PROK2: variants seen among roughly 807,000 people sequenced by gnomAD.
PROK2 encodes the protein prokineticin 2.
Under a neutral mutation model 14.2 loss-of-function variants are expected in PROK2, and 8 were observed. The observed-to-expected ratio is 0.56, with a 90% CI of 0.33 to 1.02. The LOEUF (loss-of-function observed/expected upper bound fraction) is 1.02, where lower values mean the gene tolerates loss of function less well. PROK2 is among the 50% of genes least tolerant of loss of function. The pLI, the probability that PROK2 is intolerant of heterozygous loss-of-function variation, is 0.03. For missense variants in PROK2, 154 were observed against 160.4 expected, an observed-to-expected ratio of 0.96 and a Z score of 0.22; for synonymous variants, 59 against 60.7, an observed-to-expected ratio of 0.97 and a Z score of 0.13.
At chr3:71,781,320 GA>G (rs1289863554) in intron 2 of PROK2, 146 bp downstream of exon 2, 1 of 940,414 alleles carries the variant, frequency 1.1e-6, no homozygotes, top group Non-Finnish European at 1.7e-6. Context: ...GGGGAGAGGA[GA>G]GGGGGTAGTT....
At chr3:71,777,799 T>C (rs80324661) in intron 2 of PROK2, among the ~76,000 whole-genome samples, 6,528 of 151,800 alleles carry the variant, frequency 0.043, 476 homozygotes, top group African/African-American at 0.15. Context: ...TAATCTTCTA[T>C]GTAAACTTTG....
At chr3:71,776,557 T>C (rs1431287243) in intron 2 of PROK2, among the ~76,000 whole-genome samples, 3 of 152,036 alleles carry the variant, frequency 2.0e-5, no homozygotes, top group Non-Finnish European at 4.4e-5. Context: ...TTTGTATTTT[T>C]AGTCGAGACA....
At chr3:71,780,090 C>CACACAA (rs1392705913) in intron 2 of PROK2, among the ~76,000 whole-genome samples, 32 of 152,324 alleles carry the variant, frequency 2.1e-4, no homozygotes, top group Non-Finnish European at 4.1e-4. Flanking sequence ...ACACAAGTAA[C>CACACAA]GGTTTAAACC....
At chr3:71,773,084 A>T (rs1490084256) in intron 3 of PROK2, among the ~76,000 whole-genome samples, 2 of 152,154 alleles carry the variant, frequency 1.3e-5, no homozygotes, top group Non-Finnish European at 2.9e-5. Context: ...TGTTCAAGCG[A>T]TTCTTCTGCC....
At chr3:71,777,100 T>C (rs907786688) in intron 2 of PROK2, among the ~76,000 whole-genome samples, 1 of 152,256 alleles carries the variant, frequency 6.6e-6, no homozygotes, top group Non-Finnish European at 1.5e-5. Context: ...CTTGGAATAT[T>C]GTACTATAGT....
intron 2 of PROK2, among the ~76,000 whole-genome samples, chr3:71,780,916 G>C (rs951348148): frequency 1.3e-5 from 2 of 152,178 alleles, no homozygotes; most frequent in South Asian, 4.1e-4. Context: ...TGAGCTGACA[G>C]ATAATAAAGC....
At chr3:71,778,767 A>T (rs1198346928) in intron 2 of PROK2, among the ~76,000 whole-genome samples, 1 of 152,220 alleles carries the variant, frequency 6.6e-6, no homozygotes, top group Admixed American at 6.5e-5. Flanking sequence ...TTTCTACAAT[A>T]GGTAAATTTC....
At chr3:71,778,123 G>C (rs1169072556) in intron 2 of PROK2, among the ~76,000 whole-genome samples, 1 of 150,684 alleles carries the variant, frequency 6.6e-6, no homozygotes, top group African/African-American at 2.4e-5. Context: ...CGTGAACCCG[G>C]GAGGCGGAGC....
chr3:71,785,085 A>C lies in PROK2; in HGVS notation c.-33T>G, dbSNP rs930276878. On this transcript the variant is annotated 5_prime_UTR_variant, in exon 1 of 4. Transcript: ENST00000295619. Reference sequence around the variant, plus strand: ...TCGGGACTGGGCGGCCGCCGGAGGCAGTTGGGGGCGCGGGGCCCGGGTGCG... The same window carrying C: ...TCGGGACTGGGCGGCCGCCGGAGGCCGTTGGGGGCGCGGGGCCCGGGTGCG... 4.9e-5 allele frequency: 60 copies of C among 1,213,528 alleles called. No homozygotes were observed. The highest frequency in any genetic ancestry group is 5.8e-5 in the Non-Finnish European group (56 of 968,910). The allele number at this position is 1,213,528 out of a possible 1,614,324, so 75.2% of individuals were successfully genotyped here.
chr3:71,774,324 T>C (rs2050102134), intron 3 of PROK2, 121 bp downstream of exon 3: 3 of 1,509,300 alleles, frequency 2.0e-6, no homozygotes, highest in African/African-American at 1.4e-5. Flanking sequence ...GGCAGAACCA[T>C]TCTAATCTTA....
In PROK2 at chr3:71,785,089, G is replaced by C; in HGVS notation, c.-37C>G. ...GACTGGGCGGCCGCCGGAGGCAGTT[G>C]GGGGCGCGGGGCCCGGGTGCGCTGG... On this transcript the variant is annotated 5_prime_UTR_variant, in exon 1 of 4. Coordinates refer to ENST00000295619, the MANE Select transcript of PROK2 (RefSeq NM_001126128.2). 8.3e-7 allele frequency: 1 copy of C among 1,198,848 alleles called. No individual in the cohort carries two copies. The highest frequency in any genetic ancestry group is 3.2e-5 in the East Asian group (1 of 30,986). 74.3% of individuals were successfully genotyped at this position (1,198,848 alleles called of 1,614,324 possible).
chr3:71,777,820 G>A (rs1039803282), intron 2 of PROK2, among the ~76,000 whole-genome samples: 2 of 151,038 alleles, frequency 1.3e-5, no homozygotes, highest in African/African-American at 2.4e-5. Flanking sequence ...GAAAGTTACC[G>A]GCATTAATAG....
intron 1 of PROK2, among the ~76,000 whole-genome samples, chr3:71,782,716 C>G (rs1016922084): frequency 3.3e-5 from 5 of 152,118 alleles, no homozygotes; most frequent in East Asian, 3.8e-4. Context: ...CTTCAAAATT[C>G]TTAGTTTTGA....
chr3:71,776,265 A>G (rs1415341572), intron 2 of PROK2, among the ~76,000 whole-genome samples: 1 of 151,908 alleles, frequency 6.6e-6, no homozygotes, highest in Non-Finnish European at 1.5e-5. Flanking sequence ...TTCTCATTCA[A>G]ACCCAGTTCA....
rs369845681 is a variant in PROK2 at position 71,781,573 on chromosome 3, T to C, written c.116A>G (p.Gln39Arg). 3.2e-5 allele frequency: 52 copies of C among 1,611,750 alleles called. No homozygotes were observed. The highest frequency in any genetic ancestry group is 6.7e-5 in the Admixed American group (4 of 59,986). Reference sequence around the variant, plus strand: ...AGCACAGCACATGCCTCCACCACATTGGGAGTCCTTGTCACAAGCCTGAAA... The same window carrying C: ...AGCACAGCACATGCCTCCACCACATCGGGAGTCCTTGTCACAAGCCTGAAA... ...VITGACDKDS[Q>R]CGGGMCCAVS... Residue 39 changes from glutamine (Q) to arginine (R), a missense_variant, in exon 2 of 4, where the codon CAA (glutamine) becomes CGA (arginine). Physicochemically the swap from Gln to Arg is conservative, Grantham distance 43. Transcript: ENST00000295619.
chr3:71,784,241 A>G (rs2050192775), intron 1 of PROK2, among the ~76,000 whole-genome samples: 1 of 152,256 alleles, frequency 6.6e-6, no homozygotes, highest in Non-Finnish European at 1.5e-5. Flanking sequence ...TCCTACTTAC[A>G]GAAAAGATGA....
At chr3:71,782,919 A>G (rs1578413538) in intron 1 of PROK2, among the ~76,000 whole-genome samples, 1 of 152,222 alleles carries the variant, frequency 6.6e-6, no homozygotes, top group Admixed American at 6.5e-5. Context: ...TTTATAGGAC[A>G]ATATGTAAAT....
In PROK2 at chr3:71,784,991, G is replaced by GT; in HGVS notation, c.61dup (p.Thr21AsnfsTer15). ...CACGGCGGCGTCCCCAGCGCGGGGC[G>GT]TGAGCAGCAGCGGCGGCAGCAGCAA... On this transcript the variant is annotated frameshift_variant, in exon 1 of 4. Transcript: ENST00000295619. LOFTEE classifies it high-confidence loss of function. 1 of 1,249,236 alleles carries GT rather than the reference G, an allele frequency of 8.0e-7. No individual in the cohort carries two copies. The allele number at this position is 1,249,236 out of a possible 1,614,324, so 77.4% of individuals were successfully genotyped here. A position where few individuals can be genotyped will look rare whatever the true frequency, so the allele number is the denominator to read the frequency against.
At chr3:71,779,144 C>A (rs2050142685) in intron 2 of PROK2, among the ~76,000 whole-genome samples, 1 of 152,224 alleles carries the variant, frequency 6.6e-6, no homozygotes, top group African/African-American at 2.4e-5. Flanking sequence ...TATCGGACGA[C>A]ACAAATTCCC....
Sources: allele counts gnomAD v4.1 joint callset (sites outside exome capture counted in the v4.1 genomes callset), GRCh38; gene constraint gnomAD v4.1.1; transcripts MANE v1.5; gene names NCBI Gene and HGNC (gene_info 2026-07-23, HGNC 2026-07-21).